The following EPB41L5 variants were observed in gnomAD, a reference collection of about 807,000 sequenced individuals.
EPB41L5 encodes erythrocyte membrane protein band 4.1 like 5, also known as band 4.1-like protein 5.
In EPB41L5, 55 loss-of-function variants were observed where a neutral mutation model predicts 106.6. The observed-to-expected ratio is 0.52, with a 90% CI of 0.42 to 0.65. The LOEUF (loss-of-function observed/expected upper bound fraction) is 0.65, where lower values mean the gene tolerates loss of function less well. Ranked by LOEUF, EPB41L5 falls within the 30% of genes least tolerant of loss-of-function variation. The probability of loss-of-function intolerance (pLI) is 0.00; values close to 1 mark genes in which losing one functional copy is unlikely to be tolerated. For missense variants in EPB41L5, 871 were observed against 882.1 expected (o/e 0.99, Z 0.16); for synonymous variants, 297 against 306.7 (o/e 0.97, Z 0.33).
intron 16 of EPB41L5, among the ~76,000 whole-genome samples, chr2:120,119,985 C>G (rs771028612): frequency 6.6e-6 from 1 of 152,146 alleles, no homozygotes; most frequent in Non-Finnish European, 1.5e-5. Flanking sequence ...TAAAATCTTT[C>G]ATAATTTTTC....
rs1471024370 is a variant in EPB41L5 at position 120,178,979 on chromosome 2, T to C, written c.*4072T>C. 16 of 152,274 alleles carry C rather than the reference T, an allele frequency of 1.1e-4. No homozygotes were observed. The highest frequency in any genetic ancestry group is 1.0e-3 in the Admixed American group (16 of 15,292). The allele number at this position is 152,274 out of a possible 1,614,324, so 9.4% of individuals were successfully genotyped here. A position where few individuals can be genotyped will look rare whatever the true frequency, so the allele number is the denominator to read the frequency against. On this transcript the variant is annotated 3_prime_UTR_variant, in exon 25 of 25. Transcript: ENST00000263713. Reference sequence around the variant, plus strand: ...GCAGTAGCATTTAAAGTGTAATTTATTTTTCTATCAAGTGCACTATTCATT... The same window carrying C: ...GCAGTAGCATTTAAAGTGTAATTTACTTTTCTATCAAGTGCACTATTCATT...
chr2:120,073,741 G>T (rs1682039582), intron 4 of EPB41L5, among the ~76,000 whole-genome samples: 1 of 152,118 alleles, frequency 6.6e-6, no homozygotes, highest in African/African-American at 2.4e-5. Context: ...TAGTGAACTT[G>T]CTGAATTGTA....
chr2:120,076,688 C>A (rs1682268335), intron 7 of EPB41L5, among the ~76,000 whole-genome samples: 1 of 151,714 alleles, frequency 6.6e-6, no homozygotes, highest in African/African-American at 2.4e-5. Context: ...AGAGGTATTT[C>A]TTTATGGAAG....
chr2:120,136,601 T>C (rs575227046), intron 18 of EPB41L5, among the ~76,000 whole-genome samples: 3 of 151,792 alleles, frequency 2.0e-5, no homozygotes, highest in African/African-American at 7.3e-5. Context: ...AAAGAGCAGG[T>C]TATTTATATT....
At position 120,053,452 on chromosome 2, in the gene EPB41L5, T is replaced by C. The variant is rs555426872; in HGVS notation, c.285+11342T>C. Reference sequence around the variant, plus strand: ...AGCCATCATCACTAATTCCAGAACATTTTCATCACCCCCAAAGAAACCCTC... The same window carrying C: ...AGCCATCATCACTAATTCCAGAACACTTTCATCACCCCCAAAGAAACCCTC... On this transcript the variant is annotated intron_variant, in intron 3 of 24. Coordinates refer to ENST00000263713, the MANE Select transcript of EPB41L5 (RefSeq NM_020909.4). Among the ~76,000 whole-genome samples the C allele has an allele frequency of 3.3e-5, 5 of 152,296 alleles. No individual in the cohort carries two copies. In the East Asian group the frequency reaches 9.7e-4, roughly 29 times the overall value.
At chr2:120,095,515 A>G (rs919628693) in intron 14 of EPB41L5, among the ~76,000 whole-genome samples, 1 of 147,782 alleles carries the variant, frequency 6.8e-6, no homozygotes, top group Non-Finnish European at 1.5e-5. Context: ...TTTTTTTTAG[A>G]CTACATAATC....
At chr2:120,060,711 T>C (rs1293977810) in intron 3 of EPB41L5, among the ~76,000 whole-genome samples, 1 of 152,164 alleles carries the variant, frequency 6.6e-6, no homozygotes, top group Non-Finnish European at 1.5e-5. Flanking sequence ...AGGATAGGAA[T>C]CTAAATGTGA....
Position 120,167,956 on chromosome 2 carries a change from G to A in EPB41L5, c.2084G>A (p.Gly695Glu). Reference sequence around the variant, plus strand: ...AAGGAGGGACATGGTAATAAAGATGGAATCTCACTGATCTCTCCCCCAGCG... The same window carrying A: ...AAGGAGGGACATGGTAATAAAGATGAAATCTCACTGATCTCTCCCCCAGCG... ...TGKEGHGNKD[G>E]ISLISPPAPF... The change falls in exon 24 of 25, where the codon GGA becomes GAA. Residue 695 changes from glycine (G) to glutamate (E), a missense_variant. By Grantham distance (98) the Gly-to-Glu change is moderately conservative. Transcript: ENST00000263713. The A allele has an allele frequency of 1.9e-6, 3 of 1,614,062 alleles. No homozygotes were observed. The highest frequency in any genetic ancestry group is 1.1e-5 in the South Asian group (1 of 91,080).
chr2:120,153,511 ATAT>A (rs1242033033), intron 20 of EPB41L5, among the ~76,000 whole-genome samples: 2 of 152,046 alleles, frequency 1.3e-5, no homozygotes, highest in African/African-American at 2.4e-5. Context: ...TCATTGGTTT[ATAT>A]TATTGTTTAA....
At chr2:120,029,408 C>T (rs1369310209) in intron 2 of EPB41L5, among the ~76,000 whole-genome samples, 1 of 152,158 alleles carries the variant, frequency 6.6e-6, no homozygotes, top group Non-Finnish European at 1.5e-5. Context: ...ATTGGTCAGG[C>T]TGGCTTCGAG....
At chr2:120,104,784 CTT>C in intron 16 of EPB41L5, 9 of 905,366 alleles carry the variant, frequency 9.9e-6, no homozygotes, top group Non-Finnish European at 1.2e-5. Flanking sequence ...ATTACAAACA[CTT>C]TTACTTTTTA....
chr2:120,049,193 C>CT (rs1680042605), intron 3 of EPB41L5, among the ~76,000 whole-genome samples: 1 of 152,174 alleles, frequency 6.6e-6, no homozygotes. Flanking sequence ...TGGTGCAGAG[C>CT]TGAGGTCAAT....
chr2:120,060,053 G>A (rs1680929238), intron 3 of EPB41L5, among the ~76,000 whole-genome samples: 1 of 152,210 alleles, frequency 6.6e-6, no homozygotes, highest in Non-Finnish European at 1.5e-5. Flanking sequence ...TAAGACCTCA[G>A]TGAGATGTTT....
chr2:120,139,643 A>C (rs1164167780), intron 18 of EPB41L5, among the ~76,000 whole-genome samples: 2 of 152,112 alleles, frequency 1.3e-5, no homozygotes, highest in East Asian at 3.8e-4. Context: ...ATCTCACCCC[A>C]GTTATAATGG....
chr2:120,041,314 A>G (rs1389164217), intron 2 of EPB41L5, among the ~76,000 whole-genome samples: 1 of 152,156 alleles, frequency 6.6e-6, no homozygotes, highest in African/African-American at 2.4e-5. Flanking sequence ...TCAGGTATAT[A>G]AGAAACCTAG....
intron 2 of EPB41L5, among the ~76,000 whole-genome samples, chr2:120,038,492 G>A (rs139370849): frequency 3.9e-4 from 60 of 152,288 alleles, no homozygotes; most frequent in Middle Eastern, 6.8e-3. Context: ...TTAAACATAC[G>A]GCTGGGTGCA....
chr2:120,083,005 AT>A (rs1682790607), intron 10 of EPB41L5, among the ~76,000 whole-genome samples: 1 of 151,644 alleles, frequency 6.6e-6, no homozygotes, highest in African/African-American at 2.4e-5. Context: ...TGTCTTCTTT[AT>A]TAGTCTTGCT....
At chr2:120,148,085 T>A (rs1352359633) in intron 20 of EPB41L5, among the ~76,000 whole-genome samples, 1 of 152,214 alleles carries the variant, frequency 6.6e-6, no homozygotes, top group East Asian at 1.9e-4. Flanking sequence ...ATAGTATACC[T>A]GTATACCAAA....
At chr2:120,173,393 G>T (rs1687775008) in intron 24 of EPB41L5, among the ~76,000 whole-genome samples, 1 of 152,150 alleles carries the variant, frequency 6.6e-6, no homozygotes, top group African/African-American at 2.4e-5. Flanking sequence ...TCTGGAGACA[G>T]GTTTGTTTAA....
Sources: allele counts gnomAD v4.1 joint callset (sites outside exome capture counted in the v4.1 genomes callset), GRCh38; gene constraint gnomAD v4.1.1; transcripts MANE v1.5; gene names NCBI Gene and HGNC (gene_info 2026-07-23, HGNC 2026-07-21).